MLC1: variants seen among roughly 807,000 people sequenced by gnomAD.
The protein encoded by MLC1 is modulator of VRAC current 1.
A neutral mutation model predicts 44.7 loss-of-function variants in MLC1; 32 were observed. The observed-to-expected ratio is 0.72, with a 90% CI of 0.54 to 0.96. The LOEUF is 0.96. MLC1 is among the 40% of genes least tolerant of loss of function. MLC1 has a pLI of 0.00. For missense variants in MLC1, 459 were observed against 492.2 expected (o/e 0.93, Z 0.64); for synonymous variants, 190 against 213.0 (o/e 0.89, Z 0.94).
intron 8 of MLC1, among the ~76,000 whole-genome samples, chr22:50,071,323 C>T (rs55744828): frequency 0.064 from 9,695 of 152,168 alleles, 1,035 homozygotes; most frequent in African/African-American, 0.22. Flanking sequence ...AACTCCTGAC[C>T]TCAGGTGATC....
At position 50,075,287 on chromosome 22, in the gene MLC1, G is replaced by A. The variant is rs562716399; in HGVS notation, c.598-955C>T. The stretch of plus-strand genomic sequence containing the variant: ...CTCCCGTGAAGGATCTCTGTGAGTC[G>A]CAAACACAGAGCTGTGGCCAGCAGG... On this transcript the variant is annotated intron_variant, in intron 7 of 11. Transcript: ENST00000311597. Among the ~76,000 whole-genome samples the A allele has an allele frequency of 4.6e-5, 7 of 152,266 alleles. No individual in the cohort carries two copies. The South Asian group carries it at 6.2e-4, about 14-fold the overall frequency.
At chr22:50,071,572 T>C (rs1056445598) in intron 8 of MLC1, among the ~76,000 whole-genome samples, 1 of 152,186 alleles carries the variant, frequency 6.6e-6, no homozygotes, top group Non-Finnish European at 1.5e-5. Flanking sequence ...GGCCTCCGTG[T>C]GGGACAGGAT....
At chr22:50,074,547 A>C in intron 7 of MLC1, 1 of 587,724 alleles carries the variant, frequency 1.7e-6, no homozygotes, top group Non-Finnish European at 3.1e-6. Flanking sequence ...CCTGGAGTAA[A>C]ATAGCCAAAG....
intron 7 of MLC1, among the ~76,000 whole-genome samples, chr22:50,075,995 C>T (rs2061971451): frequency 6.6e-6 from 1 of 152,098 alleles, no homozygotes; most frequent in African/African-American, 2.4e-5. Context: ...AAAAATTTCC[C>T]ATCCAAAATT....
At chr22:50,076,695 G>C in intron 7 of MLC1, 146 bp downstream of exon 7, 1 of 785,324 alleles carries the variant, frequency 1.3e-6, no homozygotes, top group Non-Finnish European at 2.2e-6. Context: ...TAACAGACTA[G>C]AGTCTCCACA....
chr22:50,078,324 A>C (rs1018448786), intron 5 of MLC1, among the ~76,000 whole-genome samples: 7 of 152,182 alleles, frequency 4.6e-5, no homozygotes, highest in African/African-American at 1.4e-4. Context: ...AAAAAGAAAG[A>C]GTGCAGAACC....
rs1555967668 is a variant in MLC1, at chr22:50,079,915, C to CA, written c.423+2dup. 4 of 1,607,696 alleles carry CA rather than the reference C, an allele frequency of 2.5e-6. No individual in the cohort carries two copies. The highest frequency in any genetic ancestry group is 3.4e-6 in the Non-Finnish European group (4 of 1,174,144). On this transcript the variant is annotated splice_region_variant and intron_variant, in intron 5 of 11. Coordinates refer to ENST00000311597, the MANE Select transcript of MLC1 (RefSeq NM_015166.4). ...CGTCTGCGCGAAGCTCGTGTGAACT[C>CA]ACGTTTATTGCTGATGGGTTCAGGA... is the stretch of plus-strand genomic sequence containing the variant.
intron 7 of MLC1, among the ~76,000 whole-genome samples, chr22:50,075,080 A>G (rs1424024925): frequency 6.6e-6 from 1 of 151,792 alleles, no homozygotes; most frequent in African/African-American, 2.4e-5. Context: ...CTGGTTGTGG[A>G]CTCATCTGCC....
intron 9 of MLC1, 144 bp downstream of exon 9, chr22:50,070,383 C>T: frequency 1.2e-6 from 1 of 840,864 alleles, no homozygotes; most frequent in Non-Finnish European, 2.0e-6. Context: ...CACAACCCCA[C>T]CTTCCTCATT....
At chr22:50,061,733 A>G (rs2061562994) in intron 11 of MLC1, 76 bp from the exon 12 acceptor site, 1 of 1,359,286 alleles carries the variant, frequency 7.4e-7, no homozygotes, top group Non-Finnish European at 1.0e-6. Flanking sequence ...CCACTCGGCC[A>G]CAGGCAGCGA....
rs779394421 is a variant in MLC1, at chr22:50,064,056, G to A, written c.1037C>T (p.Pro346Leu). Reference sequence around the variant, plus strand: ...CACCTCCCCAGCCAGGCGCTCCTGCGGGCCGTTCTGGGTGTCCCAGGATGC... The same window carrying A: ...CACCTCCCCAGCCAGGCGCTCCTGCAGGCCGTTCTGGGTGTCCCAGGATGC... Reference protein sequence around the residue: ...QGASWDTQNGPQERLAGEVAR... With the variant: ...QGASWDTQNGLQERLAGEVAR... Residue 346 changes from proline to leucine, a missense_variant, in exon 11 of 12, where the codon CCG becomes CTG. Pro to Leu is a moderately conservative substitution (Grantham distance 98). Transcript: ENST00000311597. 4.4e-5 allele frequency: 68 copies of A among 1,549,612 alleles called. 5 individuals are homozygous for A. Among genetic ancestry groups the A allele is most frequent in the African/African-American group, 6.4e-5 (4 of 62,398 alleles).
chr22:50,066,016 C>T (rs1435893137), intron 10 of MLC1, among the ~76,000 whole-genome samples: 2 of 152,040 alleles, frequency 1.3e-5, no homozygotes, highest in South Asian at 2.1e-4. Context: ...ATCGAGAAAA[C>T]ACCAGGATAA....
intron 10 of MLC1, among the ~76,000 whole-genome samples, chr22:50,066,971 T>C (rs1264296237): frequency 6.6e-6 from 1 of 152,164 alleles, no homozygotes; most frequent in Non-Finnish European, 1.5e-5. Context: ...CCGACTTCGA[T>C]GGCGTGTGGC....
intron 3 of MLC1, 87 bp from the exon 4 acceptor site, chr22:50,080,484 G>A (rs551122651): frequency 1.5e-6 from 2 of 1,375,138 alleles, no homozygotes; most frequent in East Asian, 2.5e-5. Context: ...CTTCCAGAAG[G>A]ATCTGAATCA....
chr22:50,082,232 G>C (rs954693048), intron 3 of MLC1, among the ~76,000 whole-genome samples: 1 of 96,266 alleles, frequency 1.0e-5, no homozygotes, highest in Non-Finnish European at 2.4e-5. Flanking sequence ...GAGGGGCATG[G>C]GGTGCGCGGC....
intron 5 of MLC1, among the ~76,000 whole-genome samples, chr22:50,078,612 G>A (rs1257988541): frequency 5.3e-5 from 8 of 151,866 alleles, no homozygotes; most frequent in Non-Finnish European, 8.8e-5. Flanking sequence ...GGTGGCGCAC[G>A]CCTGTAATCC....
chr22:50,066,242 T>C (rs976732179), intron 10 of MLC1, among the ~76,000 whole-genome samples: 2 of 151,976 alleles, frequency 1.3e-5, no homozygotes, highest in African/African-American at 4.8e-5. Flanking sequence ...CTCACGTCTG[T>C]AATCCCAGCA....
intron 10 of MLC1, 34 bp from the exon 11 acceptor site, chr22:50,064,232 C>T: frequency 6.4e-7 from 1 of 1,563,234 alleles, no homozygotes; most frequent in Non-Finnish European, 8.6e-7. Flanking sequence ...CAGAGTGGCC[C>T]AGCCGCCCTC....
rs146816468 is a variant in MLC1 at position 50,071,949 on chromosome 22, G to A, written c.715-1366C>T. Among the ~76,000 whole-genome samples, 6 of 152,288 alleles carry A rather than the reference G, an allele frequency of 3.9e-5. No homozygotes were observed. In the East Asian group the frequency reaches 1.2e-3, roughly 29 times the overall value. ...AGATGGGCTCCGAGCAGGGGAGCCT[G>A]GGCAGCAGGGAGAAGACTGGGGAGC... is the stretch of plus-strand genomic sequence containing the variant. On this transcript the variant is annotated intron_variant, in intron 8 of 11. Transcript: ENST00000311597.
Sources: gnomAD v4.1 joint callset for allele counts (sites outside exome capture counted in the v4.1 genomes callset) on GRCh38, gnomAD v4.1.1 for gene constraint, MANE v1.5 for transcripts, NCBI Gene and HGNC (gene_info 2026-07-23, HGNC 2026-07-21) for gene names.